KBTBD2: variants seen among roughly 807,000 people sequenced by gnomAD.
KBTBD2 encodes kelch repeat and BTB domain-containing protein 2.
A neutral mutation model predicts 57.1 loss-of-function variants in KBTBD2; 17 were observed. That is an observed-to-expected ratio of 0.30 (90% confidence interval 0.20 to 0.45). KBTBD2 has a LOEUF of 0.45. Among genes scored for constraint, KBTBD2 ranks in the 20% least tolerant of loss-of-function variants. The pLI is 1.00. For missense variants in KBTBD2, 515 were observed against 750.6 expected, an observed-to-expected ratio of 0.69 and a Z score of 3.67; for synonymous variants, 267 against 262.7, an observed-to-expected ratio of 1.02 and a Z score of -0.16.
Position 32,879,589 on chromosome 7 carries a change from C to T in KBTBD2, c.16G>A (p.Glu6Lys), listed in dbSNP as rs763245946. The T allele has an allele frequency of 2.5e-6, 4 of 1,613,092 alleles. No individual in the cohort carries two copies. Among genetic ancestry groups the T allele is most frequent in the South Asian group, 2.2e-5 (2 of 91,000 alleles). ...GCATATTCAGTATTGATCTGCCTCT[C>T]GTCTTGAGTGGACATGACTGTATTC... MSTQD[E>K]RQINTEYAVS... The change falls in exon 2 of 4, where the codon GAG becomes AAG. Residue 6 changes from glutamate to lysine, a missense_variant. By Grantham distance (56) the Glu-to-Lys change is moderately conservative (BLOSUM62 1). Transcript: ENST00000304056.
Position 32,879,626 on chromosome 7 carries a change from C to T in KBTBD2, c.-22G>A, listed in dbSNP as rs767418713. 2 of 1,602,020 alleles carry T rather than the reference C, an allele frequency of 1.2e-6. No homozygotes were observed. Among genetic ancestry groups the T allele is most frequent in the South Asian group, 1.1e-5 (1 of 89,942 alleles). On this transcript the variant is annotated 5_prime_UTR_variant, in exon 2 of 4. Transcript: ENST00000304056. ...ACATGACTGTATTCCATTAATATCT[C>T]CAGGAACAGATTAGAAAAGTCCGTC...
At chr7:32,876,245 A>G (rs924863080) in intron 2 of KBTBD2, among the ~76,000 whole-genome samples, 1 of 152,242 alleles carries the variant, frequency 6.6e-6, no homozygotes, top group African/African-American at 2.4e-5. Flanking sequence ...GTGTCACAAC[A>G]GTCACTAACT....
chr7:32,881,028 G>A (rs1484634065), intron 1 of KBTBD2, among the ~76,000 whole-genome samples: 3 of 151,816 alleles, frequency 2.0e-5, no homozygotes, highest in African/African-American at 7.3e-5. Context: ...TTGAACCCGG[G>A]AGGTGGAGAT....
At chr7:32,875,349 A>G (rs1784286678) in intron 2 of KBTBD2, among the ~76,000 whole-genome samples, 192 bp from the exon 3 acceptor site, 1 of 152,110 alleles carries the variant, frequency 6.6e-6, no homozygotes. Context: ...ATGGCTCACC[A>G]CAGCCTTGAC....
chr7:32,885,086 G>T (rs146461245), intron 1 of KBTBD2, among the ~76,000 whole-genome samples: 3 of 149,230 alleles, frequency 2.0e-5, no homozygotes, highest in Non-Finnish European at 3.0e-5. Context: ...ATGTTGCCCA[G>T]GCTGGTCTTG....
intron 2 of KBTBD2, among the ~76,000 whole-genome samples, chr7:32,877,585 C>G (rs1382626961): frequency 6.6e-6 from 1 of 152,066 alleles, no homozygotes; most frequent in African/African-American, 2.4e-5. Flanking sequence ...ATGTAAAGAT[C>G]TCGAAATCTA....
Position 32,888,564 on chromosome 7 carries a change from A to C in KBTBD2, c.-339+2972T>G, listed in dbSNP as rs368637213. Among the ~76,000 whole-genome samples the C allele has an allele frequency of 1.5e-4, 23 of 152,006 alleles. No individual in the cohort carries two copies. The East Asian group carries it at 4.1e-3, about 27-fold the overall frequency. On this transcript the variant is annotated intron_variant, in intron 1 of 3. Transcript: ENST00000304056. ...ATTAAAAAACAAACCAAAAAAAAAC[A>C]AAAAAACCAAAAAAACAAACACCTG... is the stretch of plus-strand genomic sequence containing the variant.
intron 1 of KBTBD2, among the ~76,000 whole-genome samples, chr7:32,885,548 A>G (rs1421673154): frequency 3.9e-5 from 6 of 152,030 alleles, no homozygotes; most frequent in Non-Finnish European, 8.8e-5. Flanking sequence ...AAGCTATTCA[A>G]AAACACTTAA....
At chr7:32,885,002 GTATA>G (rs140922726) in intron 1 of KBTBD2, among the ~76,000 whole-genome samples, 22 of 118,192 alleles carry the variant, frequency 1.9e-4, no homozygotes, top group Admixed American at 7.6e-4. Context: ...ACATATATGT[GTATA>G]TATATATATA....
chr7:32,885,987 C>G (rs1056112195), intron 1 of KBTBD2, among the ~76,000 whole-genome samples: 6 of 150,690 alleles, frequency 4.0e-5, no homozygotes, highest in Non-Finnish European at 7.4e-5. Flanking sequence ...AGGCTCACTG[C>G]CACCTCCACC....
chr7:32,874,818 C>T, intron 3 of KBTBD2, 174 bp downstream of exon 3: 1 of 489,106 alleles, frequency 2.0e-6, no homozygotes, highest in Non-Finnish European at 3.6e-6. Context: ...ATGGTGAAAC[C>T]CCGTACTAAA....
rs185037256 is a variant in KBTBD2 at position 32,875,422 on chromosome 7, C to T, written c.171-265G>A. On this transcript the variant is annotated intron_variant, in intron 2 of 3. Transcript: ENST00000304056. ...AGCTGGGACTACAGGCATGCACCAC[C>T]ACACCCAGCTATTTTTTCTTTTATT... Among the ~76,000 whole-genome samples, 159 of 152,172 alleles carry T rather than the reference C, an allele frequency of 1.0e-3. 1 individual carries two copies. Among genetic ancestry groups the T allele is most frequent in the African/African-American group, 3.5e-3 (144 of 41,524 alleles).
At chr7:32,871,368 CGA>C (rs1158007680) in intron 3 of KBTBD2, among the ~76,000 whole-genome samples, 1 of 152,080 alleles carries the variant, frequency 6.6e-6, no homozygotes, top group East Asian at 1.9e-4. Context: ...CCATTCTTAT[CGA>C]GAGGTAAGAT....
intron 2 of KBTBD2, among the ~76,000 whole-genome samples, chr7:32,875,459 C>A (rs1199253502): frequency 6.6e-6 from 1 of 152,000 alleles, no homozygotes. Flanking sequence ...TTAGTAGAGA[C>A]AAGGCCTCCC....
At chr7:32,887,575 G>A (rs1466366066) in intron 1 of KBTBD2, among the ~76,000 whole-genome samples, 1 of 152,190 alleles carries the variant, frequency 6.6e-6, no homozygotes, top group Non-Finnish European at 1.5e-5. Flanking sequence ...CCCTCCAGGA[G>A]GGGCAGTGCG....
rs146926350 is a variant in KBTBD2 at position 32,870,970 on chromosome 7, G to A, written c.337-90C>T. 8.0e-5 allele frequency: 56 copies of A among 703,620 alleles called. No individual in the cohort carries two copies. In the East Asian group the frequency reaches 1.5e-3, roughly 19 times the overall value. 43.6% of individuals were successfully genotyped at this position (703,620 alleles called of 1,614,324 possible). A position where few individuals can be genotyped will look rare whatever the true frequency, so the allele number is the denominator to read the frequency against. On this transcript the variant is annotated intron_variant, in intron 3 of 3. Coordinates refer to ENST00000304056, the MANE Select transcript of KBTBD2 (RefSeq NM_015483.3). Reference sequence around the variant, plus strand: ...TAAGACGTAAGTATATTAATCAGATGCCCATAGTGTAATTTTTATTTTCAG... The same window carrying A: ...TAAGACGTAAGTATATTAATCAGATACCCATAGTGTAATTTTTATTTTCAG...
In KBTBD2 at chr7:32,886,044, G is replaced by GATTA. The variant is rs1283220908; in HGVS notation, c.-339+5488_-339+5491dup. 7.2e-5 allele frequency among the ~76,000 whole-genome samples: 11 copies of GATTA among 152,128 alleles called. No individual in the cohort carries two copies. The East Asian group carries it at 2.1e-3, about 29-fold the overall frequency. ...CTGCCTCAGCCTCCTAAATAGCTGG[G>GATTA]ATTACAGGCACGCACCACCATGTCC... On this transcript the variant is annotated intron_variant, in intron 1 of 3. Coordinates refer to ENST00000304056, the MANE Select transcript of KBTBD2 (RefSeq NM_015483.3).
intron 3 of KBTBD2, among the ~76,000 whole-genome samples, chr7:32,871,705 G>T (rs186439599): frequency 5.1e-4 from 78 of 152,126 alleles, no homozygotes; most frequent in Middle Eastern, 6.8e-3. Flanking sequence ...TCCCTCAAAT[G>T]AGCCCTGTAA....
chr7:32,879,403 G>A lies in KBTBD2; in HGVS notation c.170+32C>T, dbSNP rs757187797. 2.0e-6 allele frequency: 3 copies of A among 1,472,230 alleles called. No individual in the cohort carries two copies. In the Admixed American group the frequency reaches 6.5e-5, roughly 32 times the overall value. 91.2% of individuals were successfully genotyped at this position (1,472,230 alleles called of 1,614,324 possible). ...TTAAAAAATTAAATAACATTTCAAAGAATTTCTATTTAAAACATTAAAAGT... is the reference window on the plus strand; with the variant it reads ...TTAAAAAATTAAATAACATTTCAAAAAATTTCTATTTAAAACATTAAAAGT... On this transcript the variant is annotated intron_variant, in intron 2 of 3. Coordinates refer to ENST00000304056, the MANE Select transcript of KBTBD2 (RefSeq NM_015483.3).
Sources: allele counts gnomAD v4.1 joint callset (sites outside exome capture counted in the v4.1 genomes callset), GRCh38; gene constraint gnomAD v4.1.1; transcripts MANE v1.5; gene names NCBI Gene and HGNC (gene_info 2026-07-23, HGNC 2026-07-21).